Variants in DNAJB14 observed in about 807,000 individuals in gnomAD.
DNAJB14 encodes dnaJ homolog subfamily B member 14.
A neutral mutation model predicts 48.4 loss-of-function variants in DNAJB14; 22 were observed. The ratio of observed to expected loss-of-function variants is 0.45; its 90% CI spans 0.32 to 0.65. DNAJB14 has a LOEUF of 0.65. DNAJB14 is among the 30% of genes least tolerant of loss of function. DNAJB14 has a pLI of 0.03. For missense variants in DNAJB14, 319 were observed against 458.8 expected (o/e 0.70, Z 2.78); for synonymous variants, 142 against 158.7 (o/e 0.89, Z 0.79).
chr4:99,937,114 A>C (rs937482658), intron 1 of DNAJB14, among the ~76,000 whole-genome samples: 2 of 151,958 alleles, frequency 1.3e-5, no homozygotes, highest in Non-Finnish European at 2.9e-5. Context: ...CAGGAGATCG[A>C]GACTATCCTG....
intron 3 of DNAJB14, among the ~76,000 whole-genome samples, chr4:99,913,121 T>C (rs935050850): frequency 1.3e-5 from 2 of 152,226 alleles, no homozygotes; most frequent in Non-Finnish European, 2.9e-5. Context: ...ATCATGTCAT[T>C]TGCACATAAC....
At chr4:99,919,246 G>A (rs1725963621) in intron 3 of DNAJB14, among the ~76,000 whole-genome samples, 1 of 151,880 alleles carries the variant, frequency 6.6e-6, no homozygotes, top group Admixed American at 6.6e-5. Flanking sequence ...GGTGTTTTGG[G>A]GTTGCCTACT....
At chr4:99,908,120 C>A (rs1394377111) in intron 4 of DNAJB14, among the ~76,000 whole-genome samples, 1 of 152,102 alleles carries the variant, frequency 6.6e-6, no homozygotes, top group Non-Finnish European at 1.5e-5. Flanking sequence ...GAGTTTGATA[C>A]TATTTATGTT....
chr4:99,943,358 A>G (rs866907238), intron 1 of DNAJB14, among the ~76,000 whole-genome samples: 7 of 152,196 alleles, frequency 4.6e-5, no homozygotes, highest in African/African-American at 1.7e-4. Context: ...TCCAACATTC[A>G]TGTCCTTAAG....
At chr4:99,913,131 C>A (rs1725724096) in intron 3 of DNAJB14, among the ~76,000 whole-genome samples, 1 of 152,160 alleles carries the variant, frequency 6.6e-6, no homozygotes, top group Admixed American at 6.5e-5. Flanking sequence ...TTGCACATAA[C>A]AACAGTTTTA....
intron 2 of DNAJB14, chr4:99,929,364 A>T (rs987259953): frequency 4.6e-5 from 7 of 152,224 alleles, no homozygotes; most frequent in African/African-American, 1.4e-4. Flanking sequence ...AAGTGCTAGG[A>T]TTACAGGCGT....
At chr4:99,944,625 G>A (rs1028114866) in intron 1 of DNAJB14, among the ~76,000 whole-genome samples, 6 of 151,164 alleles carry the variant, frequency 4.0e-5, no homozygotes, top group African/African-American at 1.5e-4. Context: ...CCAGGCTGGA[G>A]TGCAGTGTTG....
chr4:99,928,075 TATA>T (rs1182352853), intron 2 of DNAJB14: 1 of 152,190 alleles, frequency 6.6e-6, no homozygotes, highest in East Asian at 1.9e-4. Context: ...ATTAAAAAGG[TATA>T]ATGAGATTAT....
intron 6 of DNAJB14, among the ~76,000 whole-genome samples, 188 bp downstream of exon 6, chr4:99,905,409 T>G (rs2110193194): frequency 6.6e-6 from 1 of 152,154 alleles, no homozygotes; most frequent in Middle Eastern, 3.4e-3. Flanking sequence ...AAATGTAAAT[T>G]AACAACATAA....
At chr4:99,925,670 A>T (rs1206901438) in intron 2 of DNAJB14, 1 of 152,202 alleles carries the variant, frequency 6.6e-6, no homozygotes, top group African/African-American at 2.4e-5. Flanking sequence ...ACAGTGGTGA[A>T]TAAAACAGTC....
At chr4:99,924,784 T>C (rs1031619941) in intron 2 of DNAJB14, 1 of 1,607,182 alleles carries the variant, frequency 6.2e-7, no homozygotes, top group Non-Finnish European at 8.5e-7. Context: ...AGGTCCACCA[T>C]CCCATATCAA....
At chr4:99,919,469 C>T (rs1266724751) in intron 3 of DNAJB14, among the ~76,000 whole-genome samples, 4 of 152,026 alleles carry the variant, frequency 2.6e-5, no homozygotes, top group Non-Finnish European at 1.5e-5. Flanking sequence ...CCTGTAATCC[C>T]AGCTACTTGG....
intron 1 of DNAJB14, among the ~76,000 whole-genome samples, chr4:99,940,318 C>T (rs911254581): frequency 2.6e-5 from 4 of 152,100 alleles, no homozygotes; most frequent in African/African-American, 9.7e-5. Context: ...ACAGGCCAGG[C>T]GTGGTGGCTC....
intron 6 of DNAJB14, among the ~76,000 whole-genome samples, chr4:99,905,065 G>C (rs1282710874): frequency 1.3e-5 from 2 of 151,664 alleles, no homozygotes; most frequent in Non-Finnish European, 2.9e-5. Flanking sequence ...TGATGTTATA[G>C]TTTCCTTTAT....
intron 1 of DNAJB14, among the ~76,000 whole-genome samples, chr4:99,940,350 T>C (rs560038548): frequency 2.6e-5 from 4 of 152,284 alleles, no homozygotes; most frequent in African/African-American, 7.2e-5. Flanking sequence ...CCCAGCACTT[T>C]GGGAGGCTGA....
At chr4:99,930,756 C>T (rs1726439205) in intron 1 of DNAJB14, 135 bp from the exon 2 acceptor site, 1 of 858,804 alleles carries the variant, frequency 1.2e-6, no homozygotes, top group Non-Finnish European at 1.7e-6. Context: ...TTTTAATTAG[C>T]ACGCATTCCC....
At chr4:99,926,756 G>T (rs538387993) in intron 2 of DNAJB14, 1 of 151,786 alleles carries the variant, frequency 6.6e-6, no homozygotes, top group African/African-American at 2.4e-5. Context: ...AAAAAGGGGG[G>T]GCCAGACATG....
intron 3 of DNAJB14, among the ~76,000 whole-genome samples, chr4:99,921,599 C>T (rs1726063811): frequency 1.3e-5 from 2 of 152,054 alleles, no homozygotes; most frequent in South Asian, 4.1e-4. Context: ...AACCCACTGC[C>T]AAAATATTTT....
intron 3 of DNAJB14, among the ~76,000 whole-genome samples, chr4:99,921,527 TG>T (rs1456338142): frequency 6.6e-6 from 1 of 152,218 alleles, no homozygotes; most frequent in Non-Finnish European, 1.5e-5. Context: ...AATAGTTTAA[TG>T]TTCTTAGCAT....
Sources: allele counts gnomAD v4.1 joint callset (sites outside exome capture counted in the v4.1 genomes callset), GRCh38; gene constraint gnomAD v4.1.1; transcripts MANE v1.5; gene names NCBI Gene and HGNC (gene_info 2026-07-23, HGNC 2026-07-21).